The following NT5DC1 variants were observed in gnomAD, a reference collection of about 807,000 sequenced individuals.
NT5DC1 encodes 5'-nucleotidase domain containing 1.
In NT5DC1, 42 loss-of-function variants were observed where a neutral mutation model predicts 59.4. That is an observed-to-expected ratio of 0.71 (90% CI 0.55 to 0.92). NT5DC1 has a LOEUF of 0.92. Among genes scored for constraint, NT5DC1 ranks in the 40% least tolerant of loss-of-function variants. NT5DC1 has a pLI of 0.00. For missense variants in NT5DC1, 501 were observed against 537.1 expected (o/e 0.93, Z 0.66); for synonymous variants, 172 against 188.1 (o/e 0.91, Z 0.70).
intron 6 of NT5DC1, among the ~76,000 whole-genome samples, chr6:116,138,076 C>CA (rs552070297): frequency 7.4e-5 from 11 of 148,332 alleles, no homozygotes; most frequent in East Asian, 2.0e-4. Context: ...AGACTCTGCT[C>CA]AAAAAAAAAG....
chr6:116,116,431 C>T (rs1448120428), intron 5 of NT5DC1, among the ~76,000 whole-genome samples: 1 of 152,148 alleles, frequency 6.6e-6, no homozygotes, highest in African/African-American at 2.4e-5. Context: ...ATCACGAAGT[C>T]AGGAGTTCGA....
At chr6:116,204,346 T>C (rs58150706) in intron 6 of NT5DC1, among the ~76,000 whole-genome samples, 1,757 of 152,014 alleles carry the variant, frequency 0.012, 34 homozygotes, top group African/African-American at 0.04. Flanking sequence ...GGATGAGAGG[T>C]AGTGACTGAG....
rs550447229 is a variant in NT5DC1, at chr6:116,218,572, A to T, written c.530-2482A>T. Among the ~76,000 whole-genome samples the T allele has an allele frequency of 1.7e-4, 26 of 152,270 alleles. No individual in the cohort carries two copies. The South Asian group carries it at 5.4e-3, about 32-fold the overall frequency. ...TTCTTAGCCATTTAGATTTATTATTATCATCTGTTTCTTAAACTGACCTTT... is the reference window on the plus strand; with the variant it reads ...TTCTTAGCCATTTAGATTTATTATTTTCATCTGTTTCTTAAACTGACCTTT... On this transcript the variant is annotated intron_variant, in intron 6 of 11. Coordinates refer to ENST00000319550, the MANE Select transcript of NT5DC1 (RefSeq NM_152729.3).
At position 116,181,048 on chromosome 6, in the gene NT5DC1, C is replaced by A. The variant is rs138488602; in HGVS notation, c.530-40006C>A. Among the ~76,000 whole-genome samples the A allele has an allele frequency of 9.4e-3, 1,431 of 151,510 alleles. 21 individuals carry two copies. The highest frequency in any genetic ancestry group is 0.029 in the African/African-American group (1,186 of 41,130). On this transcript the variant is annotated intron_variant, in intron 6 of 11. Transcript: ENST00000319550. ...ACTTAAAGGTATTTTGGGATGAAAT[C>A]ATATGGTATCTTGAATTTACTTTAA...
At chr6:116,140,868 A>AT (rs946165334) in intron 6 of NT5DC1, among the ~76,000 whole-genome samples, 3 of 152,092 alleles carry the variant, frequency 2.0e-5, no homozygotes, top group Admixed American at 6.6e-5. Context: ...GTTTATCAGA[A>AT]TTTTTTTATC....
At chr6:116,153,719 G>A (rs1267851591) in intron 6 of NT5DC1, among the ~76,000 whole-genome samples, 1 of 152,072 alleles carries the variant, frequency 6.6e-6, no homozygotes, top group Non-Finnish European at 1.5e-5. Flanking sequence ...TTGGAGTTCA[G>A]TCTAGTAACT....
At chr6:116,155,886 G>C (rs1476466327) in intron 6 of NT5DC1, among the ~76,000 whole-genome samples, 1 of 151,694 alleles carries the variant, frequency 6.6e-6, no homozygotes, top group Non-Finnish European at 1.5e-5. Flanking sequence ...AATGGAAGTG[G>C]AGGTAGTGTT....
chr6:116,174,380 AT>A (rs1193466951), intron 6 of NT5DC1, among the ~76,000 whole-genome samples: 1 of 152,178 alleles, frequency 6.6e-6, no homozygotes, highest in Non-Finnish European at 1.5e-5. Context: ...GACCTTACTA[AT>A]AGGTCTGTTC....
chr6:116,234,495 A>G (rs970916224), intron 8 of NT5DC1, among the ~76,000 whole-genome samples: 2 of 151,670 alleles, frequency 1.3e-5, no homozygotes, highest in Non-Finnish European at 2.9e-5. Flanking sequence ...GTGCAACCCC[A>G]TACCCAGTGA....
intron 4 of NT5DC1, among the ~76,000 whole-genome samples, chr6:116,113,708 C>T (rs371100004): frequency 1.4e-4 from 21 of 152,248 alleles, no homozygotes; most frequent in African/African-American, 4.3e-4. Context: ...TTAGGTTCCC[C>T]CTGAATTATT....
At chr6:116,107,880 T>C (rs1282756312) in intron 2 of NT5DC1, among the ~76,000 whole-genome samples, 1 of 152,116 alleles carries the variant, frequency 6.6e-6, no homozygotes, top group Non-Finnish European at 1.5e-5. Flanking sequence ...CCATAGTGGT[T>C]TTCAATGATA....
At chr6:116,129,200 A>T (rs1278514360) in intron 6 of NT5DC1, among the ~76,000 whole-genome samples, 1 of 152,236 alleles carries the variant, frequency 6.6e-6, no homozygotes, top group Non-Finnish European at 1.5e-5. Flanking sequence ...TGTAGTTCAC[A>T]TACATATATA....
intron 6 of NT5DC1, among the ~76,000 whole-genome samples, chr6:116,165,606 C>G (rs547470618): frequency 6.6e-6 from 1 of 152,344 alleles, no homozygotes; most frequent in African/African-American, 2.4e-5. Flanking sequence ...CAACAGTGGA[C>G]TGAGGGAGCA....
At chr6:116,152,136 G>T (rs1780057567) in intron 6 of NT5DC1, among the ~76,000 whole-genome samples, 1 of 152,212 alleles carries the variant, frequency 6.6e-6, no homozygotes, top group African/African-American at 2.4e-5. Context: ...TTCACAGGAT[G>T]CAGTGCCTTC....
chr6:116,216,201 G>T (rs1018075559), intron 6 of NT5DC1, among the ~76,000 whole-genome samples: 1 of 152,002 alleles, frequency 6.6e-6, no homozygotes, highest in Non-Finnish European at 1.5e-5. Context: ...CATGTACAAG[G>T]CTATATGTTA....
chr6:116,162,959 C>G (rs1285544362), intron 6 of NT5DC1, among the ~76,000 whole-genome samples: 1 of 151,620 alleles, frequency 6.6e-6, no homozygotes, highest in African/African-American at 2.4e-5. Flanking sequence ...AACCCCGTCT[C>G]TACTAAATAT....
At chr6:116,236,168 G>A (rs118167342) in intron 8 of NT5DC1, among the ~76,000 whole-genome samples, 1,889 of 152,246 alleles carry the variant, frequency 0.012, 18 homozygotes, top group Non-Finnish European at 0.016. Context: ...GAAAAAAGAG[G>A]TTATTTTTCT....
At chr6:116,224,447 G>A (rs754178333) in intron 8 of NT5DC1, among the ~76,000 whole-genome samples, 10 of 152,218 alleles carry the variant, frequency 6.6e-5, no homozygotes, top group Non-Finnish European at 7.3e-5. Flanking sequence ...ATTGTAGCAC[G>A]TGTCATGAAG....
chr6:116,172,729 T>G (rs1322768849), intron 6 of NT5DC1, among the ~76,000 whole-genome samples: 6 of 152,198 alleles, frequency 3.9e-5, no homozygotes, highest in Non-Finnish European at 8.8e-5. Flanking sequence ...CTGAGAAATT[T>G]TAAAGTATTT....
Sources: allele counts gnomAD v4.1 joint callset (sites outside exome capture counted in the v4.1 genomes callset), GRCh38; gene constraint gnomAD v4.1.1; transcripts MANE v1.5; gene names NCBI Gene and HGNC (gene_info 2026-07-23, HGNC 2026-07-21).